IK: variants seen among roughly 807,000 people sequenced by gnomAD.
The protein encoded by IK is protein Red.
IK carries 47 observed loss-of-function variants against 90.9 expected under a neutral mutation model. The observed-to-expected ratio is 0.52, with a 90% CI of 0.41 to 0.66. The LOEUF is 0.66. IK is among the 30% of genes least tolerant of loss of function. The pLI, the probability that IK is intolerant of heterozygous loss-of-function variation, is 0.00. For synonymous variants in IK, 201 were observed against 227.5 expected (o/e 0.88, Z 1.05); for missense variants, 385 against 709.3 (o/e 0.54, Z 5.19).
intron 18 of IK, 39 bp from the exon 19 acceptor site, chr5:140,662,140 T>C (rs376812641): frequency 6.2e-7 from 1 of 1,613,002 alleles, no homozygotes; most frequent in Non-Finnish European, 8.5e-7. Context: ...TGAGCTTAGA[T>C]GGGCAGCTTG....
At chr5:140,650,615 T>G (rs1757599318) in intron 2 of IK, among the ~76,000 whole-genome samples, 2 of 152,200 alleles carry the variant, frequency 1.3e-5, no homozygotes, top group Non-Finnish European at 2.9e-5. Context: ...TTGCTCTTTT[T>G]GCCCAGGCTG....
chr5:140,659,588 G>A (rs1757767445), intron 13 of IK, among the ~76,000 whole-genome samples, 168 bp from the exon 14 acceptor site: 1 of 152,150 alleles, frequency 6.6e-6, no homozygotes, highest in African/African-American at 2.4e-5. Context: ...GGAATGTTCT[G>A]GATACCCTAC....
intron 9 of IK, among the ~76,000 whole-genome samples, chr5:140,656,678 A>G (rs1757716634): frequency 6.6e-6 from 1 of 152,190 alleles, no homozygotes. Flanking sequence ...GGTACATGAG[A>G]TGTTTTGATA....
At chr5:140,657,950 C>T (rs772944371) in intron 10 of IK, among the ~76,000 whole-genome samples, 2 of 152,122 alleles carry the variant, frequency 1.3e-5, no homozygotes, top group Admixed American at 1.3e-4. Context: ...ACCAGAAAAC[C>T]TAGACAGATT....
Position 140,648,457 on chromosome 5 carries a change from A to ATT in IK, c.17-7_17-6dup. The stretch of plus-strand genomic sequence containing the variant: ...TAAGAGACTGATTAAATTAACGTCA[A>ATT]TTTTTTTTGTCAGGTGAGCCGTTCT... On this transcript the variant is annotated splice_polypyrimidine_tract_variant and intron_variant, in intron 1 of 19. Coordinates refer to ENST00000417647, the MANE Select transcript of IK (RefSeq NM_006083.4). 2 of 1,611,986 alleles carry ATT rather than the reference A, an allele frequency of 1.2e-6. No homozygotes were observed. The highest frequency in any genetic ancestry group is 3.3e-5 in the Admixed American group (2 of 59,976).
At chr5:140,655,139 C>CA (rs2149806729) in intron 8 of IK, among the ~76,000 whole-genome samples, 1 of 152,306 alleles carries the variant, frequency 6.6e-6, no homozygotes, top group African/African-American at 2.4e-5. Context: ...TAATAAGACT[C>CA]AGACATAGAT....
intron 3 of IK, 134 bp from the exon 4 acceptor site, chr5:140,651,954 G>T: frequency 1.2e-6 from 1 of 832,850 alleles, no homozygotes; most frequent in South Asian, 1.5e-5. Context: ...AAATATTGGT[G>T]TGGATTTCTG....
intron 11 of IK, 22 bp downstream of exon 11, chr5:140,658,798 A>C: frequency 6.2e-7 from 1 of 1,606,130 alleles, no homozygotes; most frequent in Non-Finnish European, 8.5e-7. Context: ...AGCCCCTGGC[A>C]TCTGATCAGA....
At chr5:140,650,682 T>C (rs1757600149) in intron 2 of IK, among the ~76,000 whole-genome samples, 1 of 152,142 alleles carries the variant, frequency 6.6e-6, no homozygotes, top group Non-Finnish European at 1.5e-5. Context: ...GTTCAAGCGA[T>C]TTTCCTGCCT....
rs1757505225 is a variant in IK, at chr5:140,647,906, A to G, written c.-3A>G. Reference sequence around the variant, plus strand: ...TTGGTGACAGCGAAAGAACGATAACAAAATGCCGGAGCGAGATAGTAAGGC... The same window carrying G: ...TTGGTGACAGCGAAAGAACGATAACGAAATGCCGGAGCGAGATAGTAAGGC... On this transcript the variant is annotated 5_prime_UTR_variant, in exon 1 of 20. Coordinates refer to ENST00000417647, the MANE Select transcript of IK (RefSeq NM_006083.4). 5 of 1,613,904 alleles carry G rather than the reference A, an allele frequency of 3.1e-6. No homozygotes were observed. Among genetic ancestry groups the G allele is most frequent in the Non-Finnish European group, 4.2e-6 (5 of 1,179,892 alleles).
intron 9 of IK, 49 bp downstream of exon 9, chr5:140,656,041 G>A: frequency 6.5e-7 from 1 of 1,533,884 alleles, no homozygotes; most frequent in Non-Finnish European, 8.8e-7. Flanking sequence ...TCAAGCCTGG[G>A]AATCAGCCTG....
intron 15 of IK, 191 bp downstream of exon 15, chr5:140,660,386 C>T (rs1270541954): frequency 3.4e-5 from 18 of 534,564 alleles, no homozygotes; most frequent in Non-Finnish European, 5.6e-5. Flanking sequence ...CAATCTCCAT[C>T]TCCCGGGTTC....
At chr5:140,653,895 G>A (rs756547140) in intron 5 of IK, 43 bp from the exon 6 acceptor site, 48 of 1,252,644 alleles carry the variant, frequency 3.8e-5, no homozygotes, top group South Asian at 8.6e-5. Context: ...GATCCACCAC[G>A]CCTGGACAGT....
chr5:140,659,392 G>A, intron 13 of IK, 59 bp downstream of exon 13: 1 of 1,596,146 alleles, frequency 6.3e-7, no homozygotes, highest in Admixed American at 1.7e-5. Context: ...CCCCTGGTAG[G>A]GCTCAGAGCT....
intron 4 of IK, among the ~76,000 whole-genome samples, chr5:140,652,584 C>A (rs1757633613): frequency 6.6e-6 from 1 of 152,130 alleles, no homozygotes; most frequent in Admixed American, 6.5e-5. Context: ...TGGTACTTGG[C>A]TTTTCCTTTA....
chr5:140,660,832 A>C lies in IK; in HGVS notation c.1413+17A>C, dbSNP rs1757792691. On this transcript the variant is annotated intron_variant, in intron 16 of 19. Coordinates refer to ENST00000417647, the MANE Select transcript of IK (RefSeq NM_006083.4). ...ATGGACCAGGTATGTAGTTAGAAGG[A>C]TGGTGGGCGCCTTTGGGCAGTTATT... 6.2e-7 allele frequency: 1 copy of C among 1,602,692 alleles called. No individual in the cohort carries two copies.
chr5:140,655,923 T>G lies in IK; in HGVS notation c.732T>G (p.Asp244Glu), dbSNP rs1288972560. 1 of 1,578,810 alleles carries G rather than the reference T, an allele frequency of 6.3e-7. No individual in the cohort carries two copies. The highest frequency in any genetic ancestry group is 8.6e-7 in the Non-Finnish European group (1 of 1,160,882). Residue 244 changes from aspartate to glutamate, a missense_variant, in exon 9 of 20, where the codon GAT (aspartate) becomes GAG (glutamate). Coordinates refer to ENST00000417647, the MANE Select transcript of IK (RefSeq NM_006083.4). ...PGRMAYVVDL[D>E]DEYADTDIPT... is the part of the protein sequence containing the mutation. ...GCATGGCCTATGTGGTAGACCTGGA[T>G]GATGAGTATGCTGACACAGATATCC...
chr5:140,653,262 A>C, intron 5 of IK, 118 bp downstream of exon 5: 1 of 734,636 alleles, frequency 1.4e-6, no homozygotes, highest in South Asian at 2.3e-5. Context: ...TTTCAGAGGC[A>C]TTTGCCACCC....
chr5:140,652,283 T>TA, intron 4 of IK, 136 bp downstream of exon 4: 1 of 678,070 alleles, frequency 1.5e-6, no homozygotes, highest in Admixed American at 2.7e-5. Flanking sequence ...GAGTGATACT[T>TA]AGAGTGGCAG....
Sources: allele counts gnomAD v4.1 joint callset (sites outside exome capture counted in the v4.1 genomes callset), GRCh38; gene constraint gnomAD v4.1.1; transcripts MANE v1.5; gene names NCBI Gene and HGNC (gene_info 2026-07-23, HGNC 2026-07-21).